ZFR2: variants seen among roughly 807,000 people sequenced by gnomAD.
ZFR2 encodes zinc finger RNA binding protein 2.
A neutral mutation model predicts 105.7 loss-of-function variants in ZFR2; 104 were observed. The observed-to-expected ratio is 0.98, with a 90% CI of 0.84 to 1.16. ZFR2 has a LOEUF of 1.16. Among genes scored for constraint, ZFR2 ranks in the 50% most tolerant of loss-of-function variants. The pLI is 0.00. For synonymous variants in ZFR2, 634 were observed against 597.7 expected, an observed-to-expected ratio of 1.06 and a Z score of -0.89; for missense variants, 1,425 against 1,355.5, an observed-to-expected ratio of 1.05 and a Z score of -0.80.
chr19:3,819,350 C>A, intron 11 of ZFR2, 115 bp from the exon 12 acceptor site: 1 of 1,134,280 alleles, frequency 8.8e-7, no homozygotes, highest in South Asian at 1.7e-5. Flanking sequence ...GAGGCGGCAG[C>A]GTGGCCAGGT....
intron 1 of ZFR2, among the ~76,000 whole-genome samples, chr19:3,843,559 G>A (rs61394086): frequency 0.16 from 24,813 of 151,466 alleles, 2,882 homozygotes; most frequent in African/African-American, 0.34. Context: ...CTGGCCGGGC[G>A]CGGTGGCTCA....
chr19:3,824,994 T>C (rs2037933028), intron 7 of ZFR2, among the ~76,000 whole-genome samples: 1 of 152,140 alleles, frequency 6.6e-6, no homozygotes, highest in South Asian at 2.1e-4. Flanking sequence ...ATTTTATTGG[T>C]TCTGCCAGCA....
chr19:3,834,827 G>A lies in ZFR2; in HGVS notation c.210C>T (p.Tyr70=), dbSNP rs538885490. ...GGACGGGCTCCTGGGGTCGGCTGCC[G>A]TAGGCGAAGTCCTGGCCGGAGTGGG... The part of the protein sequence containing the change: ...YQPHSGQDFA[Y]GSRPQEPVPT... Residue 70 remains tyrosine (Y), a synonymous_variant, in exon 2 of 19, where the codon TAC becomes TAT. Transcript: ENST00000262961. The surrounding 1 kb of genome is among the most constrained non-coding windows in gnomAD (Gnocchi z 5.3). The A allele has an allele frequency of 3.6e-5, 58 of 1,612,132 alleles. No homozygotes were observed. Among genetic ancestry groups the A allele is most frequent in the East Asian group, 1.3e-4 (6 of 44,872 alleles).
At chr19:3,866,799 A>G (rs2038435150) in intron 1 of ZFR2, among the ~76,000 whole-genome samples, 1 of 151,644 alleles carries the variant, frequency 6.6e-6, no homozygotes, top group African/African-American at 2.4e-5. Context: ...CTGGCAATCA[A>G]AACACCACTG....
chr19:3,818,543 A>G (rs141605296), intron 12 of ZFR2, among the ~76,000 whole-genome samples: 229 of 152,160 alleles, frequency 1.5e-3, no homozygotes, highest in Middle Eastern at 3.4e-3. Context: ...AAAAAAGGTA[A>G]CTCCCGCTCA....
intron 1 of ZFR2, among the ~76,000 whole-genome samples, chr19:3,850,578 G>A (rs762662452): frequency 5.3e-5 from 8 of 151,814 alleles, no homozygotes; most frequent in Non-Finnish European, 1.2e-4. Context: ...GCAGAACTGG[G>A]GTCCTTATAA....
chr19:3,842,079 C>G (rs1385553438), intron 1 of ZFR2, among the ~76,000 whole-genome samples: 2 of 151,568 alleles, frequency 1.3e-5, no homozygotes, highest in Admixed American at 6.6e-5. Context: ...GTGGCATGAT[C>G]ATACCTCACT....
rs779501283 is a variant in ZFR2 at position 3,806,100 on chromosome 19, C to A, written c.2669G>T (p.Arg890Leu). ...AQHALRMLAF[R>L]QTHKVLGMDL... ...CATGCCCAGGACCTTGTGGGTCTGC[C>A]GGAAGGCCAGCATTCGCAGGGCGTG... Residue 890 changes from arginine (R) to leucine (L), a missense_variant, in exon 19 of 19, where the codon CGG (arginine) becomes CTG (leucine). Physicochemically the swap from Arg to Leu is moderately radical, Grantham distance 102 (BLOSUM62 -2). Coordinates refer to ENST00000262961, the MANE Select transcript of ZFR2 (RefSeq NM_015174.2). 1.4e-6 allele frequency: 2 copies of A among 1,477,956 alleles called. No homozygotes were observed. The highest frequency in any genetic ancestry group is 1.8e-6 in the Non-Finnish European group (2 of 1,114,108). 91.6% of individuals were successfully genotyped at this position (1,477,956 alleles called of 1,614,324 possible).
In ZFR2 at chr19:3,840,490, G is replaced by A. The variant is rs1056632127; in HGVS notation, c.54-5507C>T. ...AACCTCAGGTGATCCACCCGTCTCA[G>A]CCTCCCAAAGTGTTGGGATTACAGG... On this transcript the variant is annotated intron_variant, in intron 1 of 18. Transcript: ENST00000262961. Among the ~76,000 whole-genome samples the A allele has an allele frequency of 1.3e-4, 20 of 152,026 alleles. No homozygotes were observed. In the East Asian group the frequency reaches 2.7e-3, roughly 21 times the overall value.
chr19:3,845,556 C>T (rs1204249704), intron 1 of ZFR2, among the ~76,000 whole-genome samples: 1 of 151,266 alleles, frequency 6.6e-6, no homozygotes, highest in Non-Finnish European at 1.5e-5. Flanking sequence ...CTTTGGGAGG[C>T]TGAGGCAGGA....
chr19:3,819,892 G>A (rs1211645898), intron 11 of ZFR2, among the ~76,000 whole-genome samples: 3 of 149,390 alleles, frequency 2.0e-5, no homozygotes, highest in Non-Finnish European at 3.0e-5. Flanking sequence ...GGCTCGGGCT[G>A]CGGGGACAGG....
intron 7 of ZFR2, 34 bp downstream of exon 7, chr19:3,825,196 G>C: frequency 6.9e-7 from 1 of 1,440,952 alleles, no homozygotes; most frequent in Non-Finnish European, 9.1e-7. Flanking sequence ...CAGGGCTCTG[G>C]TGGGTACACG....
chr19:3,857,695 C>CAAAAA (rs11367233), intron 1 of ZFR2, among the ~76,000 whole-genome samples: 1 of 104,404 alleles, frequency 9.6e-6, no homozygotes. Context: ...GACCCTGTCT[C>CAAAAA]AAAAAAAAAA....
chr19:3,867,740 G>A (rs2038448954), intron 1 of ZFR2, among the ~76,000 whole-genome samples: 1 of 151,770 alleles, frequency 6.6e-6, no homozygotes, highest in African/African-American at 2.4e-5. Flanking sequence ...CTGGCTTCCC[G>A]CCAAGTCTCT....
At position 3,827,099 on chromosome 19, in the gene ZFR2, G is replaced by A. The variant is rs931015375; in HGVS notation, c.1035+372C>T. On this transcript the variant is annotated intron_variant, in intron 6 of 18. Coordinates refer to ENST00000262961, the MANE Select transcript of ZFR2 (RefSeq NM_015174.2). Reference sequence around the variant, plus strand: ...TCTACTGAAAACACAAAAATTAGCCGGGTGCGGTGGCGGATGCCTGTGATC... The same window carrying A: ...TCTACTGAAAACACAAAAATTAGCCAGGTGCGGTGGCGGATGCCTGTGATC... 2.6e-5 allele frequency among the ~76,000 whole-genome samples: 4 copies of A among 152,154 alleles called. No homozygotes were observed. In the South Asian group the frequency reaches 6.2e-4, roughly 24 times the overall value.
In ZFR2 at chr19:3,805,861, A is replaced by G. The variant is rs550830319; in HGVS notation, c.*88T>C. The stretch of plus-strand genomic sequence containing the variant: ...CTCAAAAGGAAATGACCATTGTCCA[A>G]CGTCGGGGATGAAGCAGCCATTGGT... On this transcript the variant is annotated 3_prime_UTR_variant, in exon 19 of 19. Coordinates refer to ENST00000262961, the MANE Select transcript of ZFR2 (RefSeq NM_015174.2). 9.1e-5 allele frequency: 125 copies of G among 1,370,228 alleles called. 1 individual carries two copies. The highest frequency in any genetic ancestry group is 5.3e-4 in the Middle Eastern group (2 of 3,784). 84.9% of individuals were successfully genotyped at this position (1,370,228 alleles called of 1,614,324 possible).
rs547545648 is a variant in ZFR2, at chr19:3,826,626, C to T, written c.1035+845G>A. ...TAATTTTTGTATTTTTCAGTAGAGA[C>T]GGGGTTTCACCATGTTGGCCAGGCT... On this transcript the variant is annotated intron_variant, in intron 6 of 18. Coordinates refer to ENST00000262961, the MANE Select transcript of ZFR2 (RefSeq NM_015174.2). 8.6e-5 allele frequency among the ~76,000 whole-genome samples: 13 copies of T among 151,690 alleles called. No homozygotes were observed. In the East Asian group the frequency reaches 2.6e-3, roughly 30 times the overall value.
chr19:3,809,114 T>G, intron 16 of ZFR2, 131 bp from the exon 17 acceptor site: 3 of 624,020 alleles, frequency 4.8e-6, no homozygotes, highest in Non-Finnish European at 5.1e-6. Context: ...CCCACTGAAC[T>G]TCCGCCGAGG....
intron 12 of ZFR2, among the ~76,000 whole-genome samples, chr19:3,817,761 AG>A (rs58545933): frequency 0.33 from 37,365 of 112,476 alleles, 7,647 homozygotes; most frequent in African/African-American, 0.36. Flanking sequence ...GTCTCAAAAA[AG>A]AAAAAAAAAA....
Sources: gnomAD v4.1 joint callset for allele counts (sites outside exome capture counted in the v4.1 genomes callset) on GRCh38, gnomAD v4.1.1 for gene constraint, Gnocchi (gnomAD v3.1) non-coding constraint, MANE v1.5 for transcripts, NCBI Gene and HGNC (gene_info 2026-07-23, HGNC 2026-07-21) for gene names.